STAG1: variants seen among roughly 807,000 people sequenced by gnomAD.
STAG1 encodes the protein STAG1 cohesin complex component.
Under a neutral mutation model 170.9 loss-of-function variants are expected in STAG1, and 26 were observed. The ratio of observed to expected loss-of-function variants is 0.15; its 90% CI spans 0.11 to 0.21. The LOEUF is 0.21. Ranked by LOEUF, STAG1 falls within the 10% of genes least tolerant of loss-of-function variation. STAG1 has a pLI of 1.00. For missense variants in STAG1, 964 were observed against 1,509.5 expected (o/e 0.64, Z 5.99); for synonymous variants, 514 against 497.7 (o/e 1.03, Z -0.44).
intron 3 of STAG1, among the ~76,000 whole-genome samples, chr3:136,622,322 G>C (rs538298193): frequency 1.4e-4 from 22 of 151,762 alleles, no homozygotes; most frequent in Admixed American, 5.9e-4. Context: ...CGATCGGTGG[G>C]GGGGAAAGAA....
intron 5 of STAG1, among the ~76,000 whole-genome samples, chr3:136,561,495 A>C (rs796759728): frequency 8.5e-5 from 13 of 152,328 alleles, no homozygotes; most frequent in African/African-American, 3.1e-4. Context: ...TTGTCTTGAA[A>C]AGGAGGTCTT....
At chr3:136,508,550 T>C (rs143323771) in intron 7 of STAG1, among the ~76,000 whole-genome samples, 95 of 152,250 alleles carry the variant, frequency 6.2e-4, no homozygotes, top group African/African-American at 2.2e-3. Context: ...TACCTGGGCA[T>C]TGAGATGTGC....
intron 21 of STAG1, among the ~76,000 whole-genome samples, chr3:136,401,183 C>T (rs148178301): frequency 8.5e-5 from 13 of 152,254 alleles, no homozygotes; most frequent in East Asian, 3.9e-4. Flanking sequence ...TCCTGGAAAC[C>T]GCCCATGGGT....
intron 1 of STAG1, among the ~76,000 whole-genome samples, chr3:136,705,389 ACACACACACACACAC>A (rs1943201075): frequency 1.3e-5 from 1 of 77,852 alleles, no homozygotes; most frequent in South Asian, 4.6e-4. Flanking sequence ...ACACACACAC[ACACACACACACACAC>A]ACACACACAC....
chr3:136,738,386 G>A (rs1373132685), intron 1 of STAG1, among the ~76,000 whole-genome samples: 1 of 152,172 alleles, frequency 6.6e-6, no homozygotes, highest in Non-Finnish European at 1.5e-5. Context: ...AGCTACTTAG[G>A]AGGCTGACGA....
intron 3 of STAG1, among the ~76,000 whole-genome samples, chr3:136,611,566 G>A (rs1478478451): frequency 6.6e-6 from 1 of 150,794 alleles, no homozygotes. Flanking sequence ...CACGATCACA[G>A]CTCACTGCAA....
At chr3:136,734,679 C>T (rs1409199808) in intron 1 of STAG1, among the ~76,000 whole-genome samples, 2 of 152,078 alleles carry the variant, frequency 1.3e-5, no homozygotes, top group African/African-American at 4.8e-5. Flanking sequence ...TTCATTAACC[C>T]TATTGGTTTG....
intron 21 of STAG1, among the ~76,000 whole-genome samples, chr3:136,413,263 A>G (rs1283819630): frequency 1.3e-5 from 2 of 148,416 alleles, no homozygotes; most frequent in Non-Finnish European, 3.0e-5. Flanking sequence ...TATATCGTAT[A>G]TTACATATCG....
chr3:136,415,680 C>T (rs954908222), intron 21 of STAG1, among the ~76,000 whole-genome samples: 3 of 152,028 alleles, frequency 2.0e-5, no homozygotes, highest in African/African-American at 7.2e-5. Flanking sequence ...CCACTAAAAC[C>T]CAAAAATTAG....
intron 23 of STAG1, among the ~76,000 whole-genome samples, chr3:136,373,794 G>A (rs1266820955): frequency 6.6e-6 from 1 of 152,192 alleles, no homozygotes; most frequent in Middle Eastern, 3.2e-3. Context: ...TGGAATAGGT[G>A]TGGTGCTGAA....
At chr3:136,680,295 C>A (rs1942290785) in intron 1 of STAG1, among the ~76,000 whole-genome samples, 1 of 152,016 alleles carries the variant, frequency 6.6e-6, no homozygotes, top group Non-Finnish European at 1.5e-5. Context: ...TAGAGCTATA[C>A]CTTAGGTGGG....
At chr3:136,495,515 A>T (rs66973954) in intron 9 of STAG1, among the ~76,000 whole-genome samples, 11,866 of 152,182 alleles carry the variant, frequency 0.078, 490 homozygotes, top group Non-Finnish European at 0.094. Context: ...TCTGTTCACG[A>T]ACTTATATCA....
chr3:136,336,386 TC>T lies in STAG1; in HGVS notation c.*1867del, dbSNP rs1935680325. Reference sequence around the variant, plus strand: ...CGAAAATACAAAAATTTGATTGACTTCAAACTGAACTGGAAACCCATTGGAG... The same window carrying T: ...CGAAAATACAAAAATTTGATTGACTTAAACTGAACTGGAAACCCATTGGAG... On this transcript the variant is annotated 3_prime_UTR_variant, in exon 34 of 34. Coordinates refer to ENST00000383202, the MANE Select transcript of STAG1 (RefSeq NM_005862.3). 6.6e-6 allele frequency: 1 copy of T among 152,230 alleles called. No homozygotes were observed. The highest frequency in any genetic ancestry group is 6.5e-5 in the Admixed American group (1 of 15,286). The allele number at this position is 152,230 out of a possible 1,614,324, so 9.4% of individuals were successfully genotyped here. A position where few individuals can be genotyped will look rare whatever the true frequency, so the allele number is the denominator to read the frequency against.
chr3:136,694,775 T>C (rs926067981), intron 1 of STAG1, among the ~76,000 whole-genome samples: 8 of 152,126 alleles, frequency 5.3e-5, no homozygotes, highest in Non-Finnish European at 1.0e-4. Flanking sequence ...CTGGGGAACC[T>C]CACAATTGTT....
intron 4 of STAG1, among the ~76,000 whole-genome samples, chr3:136,573,829 G>C (rs984870443): frequency 6.6e-6 from 1 of 151,932 alleles, no homozygotes; most frequent in Admixed American, 6.6e-5. Flanking sequence ...AAATTAGCGG[G>C]GCGTGGTGGT....
intron 4 of STAG1, among the ~76,000 whole-genome samples, chr3:136,592,478 T>A (rs1231112464): frequency 6.6e-6 from 1 of 152,144 alleles, no homozygotes; most frequent in African/African-American, 2.4e-5. Flanking sequence ...GTCAATGAAA[T>A]CTCTTTTCTT....
chr3:136,661,908 C>CGG (rs1174716929), intron 1 of STAG1, among the ~76,000 whole-genome samples: 15 of 152,342 alleles, frequency 9.8e-5, no homozygotes, highest in Admixed American at 5.2e-4. Flanking sequence ...CAAAGTCACA[C>CGG]AGCCAGCAAG....
chr3:136,563,582 C>T (rs900767863), intron 5 of STAG1, among the ~76,000 whole-genome samples: 4 of 149,890 alleles, frequency 2.7e-5, no homozygotes, highest in Non-Finnish European at 5.9e-5. Flanking sequence ...ATCTCGTTAC[C>T]GTCAGGTTTT....
intron 4 of STAG1, chr3:136,586,678 A>C (rs889168027): frequency 6.6e-6 from 2 of 304,780 alleles, no homozygotes; most frequent in Admixed American, 8.5e-5. Context: ...TGGAGAAATT[A>C]AACAAAAGCA....
Sources: allele counts gnomAD v4.1 joint callset (sites outside exome capture counted in the v4.1 genomes callset), GRCh38; gene constraint gnomAD v4.1.1; transcripts MANE v1.5; gene names NCBI Gene and HGNC (gene_info 2026-07-23, HGNC 2026-07-21).